WWC2: variants seen among roughly 807,000 people sequenced by gnomAD.
WWC2 encodes the protein WW and C2 domain containing 2.
In WWC2, 101 loss-of-function variants were observed where a neutral mutation model predicts 138.5. The observed-to-expected ratio is 0.73, with a 90% CI of 0.62 to 0.86. The LOEUF (loss-of-function observed/expected upper bound fraction) is 0.86, where lower values mean the gene tolerates loss of function less well. Among genes scored for constraint, WWC2 ranks in the 40% least tolerant of loss-of-function variants. WWC2 has a pLI of 0.00. For synonymous variants in WWC2, 558 were observed against 538.4 expected (o/e 1.04, Z -0.50); for missense variants, 1,420 against 1,419.4 (o/e 1.00, Z -0.01).
intron 1 of WWC2, among the ~76,000 whole-genome samples, chr4:183,192,759 G>A (rs1313244533): frequency 1.3e-5 from 2 of 152,028 alleles, no homozygotes. Context: ...TTGACTGATG[G>A]TGGCCACACT....
intron 1 of WWC2, among the ~76,000 whole-genome samples, chr4:183,102,369 T>G (rs1743207818): frequency 2.0e-5 from 3 of 152,208 alleles, no homozygotes; most frequent in Admixed American, 6.5e-5. Context: ...CAGTATTTAC[T>G]CAGTGTGTAT....
chr4:183,172,802 A>G (rs189831811), intron 1 of WWC2, among the ~76,000 whole-genome samples: 1 of 151,488 alleles, frequency 6.6e-6, no homozygotes, highest in Non-Finnish European at 1.5e-5. Context: ...TTCTCTTTGT[A>G]TTTACTTTGT....
intron 1 of WWC2, among the ~76,000 whole-genome samples, chr4:183,109,641 C>T (rs1390593889): frequency 3.9e-5 from 6 of 152,152 alleles, no homozygotes; most frequent in Admixed American, 3.3e-4. Flanking sequence ...TGACAGGAGG[C>T]GGAGCTCAGG....
At chr4:183,191,587 G>T (rs1037483144) in intron 1 of WWC2, among the ~76,000 whole-genome samples, 4 of 152,188 alleles carry the variant, frequency 2.6e-5, no homozygotes, top group African/African-American at 9.7e-5. Flanking sequence ...CAAATTTCAA[G>T]CTCTTAACTT....
intron 1 of WWC2, among the ~76,000 whole-genome samples, chr4:183,189,621 G>A (rs1734933505): frequency 6.6e-6 from 1 of 152,158 alleles, no homozygotes; most frequent in African/African-American, 2.4e-5. Context: ...AGCAGATTCT[G>A]TAGTAATCAT....
In WWC2 at chr4:183,289,443, G is replaced by A. The variant is rs1738360220; in HGVS notation, c.3192G>A (p.Arg1064=). 1 of 1,612,506 alleles carries A rather than the reference G, an allele frequency of 6.2e-7. No individual in the cohort carries two copies. Among genetic ancestry groups the A allele is most frequent in the African/African-American group, 1.3e-5 (1 of 74,916 alleles). ...LRRTTQECPV[R]TSLDLELDLQ... ...GAACAACACAGGAATGCCCAGTGCGGACATCTCTAGACTTAGAACTGGACC... is the reference window on the plus strand; with the variant it reads ...GAACAACACAGGAATGCCCAGTGCGAACATCTCTAGACTTAGAACTGGACC... The change falls in exon 21 of 23, where the codon CGG becomes CGA. Residue 1064 remains arginine, a synonymous_variant. Coordinates refer to ENST00000403733, the MANE Select transcript of WWC2 (RefSeq NM_024949.6).
chr4:183,131,073 C>G (rs1732912157), intron 1 of WWC2, among the ~76,000 whole-genome samples: 1 of 152,064 alleles, frequency 6.6e-6, no homozygotes, highest in East Asian at 1.9e-4. Flanking sequence ...TAGACCCACA[C>G]AATTGTGGAC....
At chr4:183,188,967 A>G (rs1228343368) in intron 1 of WWC2, among the ~76,000 whole-genome samples, 1 of 151,938 alleles carries the variant, frequency 6.6e-6, no homozygotes, top group Non-Finnish European at 1.5e-5. Flanking sequence ...CTTCCTTCCA[A>G]TCATTTAAGC....
At chr4:183,179,483 T>A (rs1462715023) in intron 1 of WWC2, among the ~76,000 whole-genome samples, 1 of 152,020 alleles carries the variant, frequency 6.6e-6, no homozygotes, top group African/African-American at 2.4e-5. Context: ...GAGATGCTAA[T>A]AGGTTGGATT....
At chr4:183,296,051 C>G (rs901307961) in intron 21 of WWC2, among the ~76,000 whole-genome samples, 4 of 152,196 alleles carry the variant, frequency 2.6e-5, no homozygotes, top group Non-Finnish European at 5.9e-5. Context: ...CAGGGCACCG[C>G]CTAAAAATGA....
At chr4:183,164,304 ATATATATTATATATAC>A (rs1734053506) in intron 1 of WWC2, among the ~76,000 whole-genome samples, 1 of 754 alleles carries the variant, frequency 1.3e-3, no homozygotes, top group African/African-American at 1.9e-3. Flanking sequence ...ATATATACAT[ATATATATTATATATAC>A]ATATATATAT....
intron 4 of WWC2, among the ~76,000 whole-genome samples, chr4:183,234,920 A>T (rs985549304): frequency 5.9e-5 from 9 of 152,224 alleles, no homozygotes; most frequent in African/African-American, 2.2e-4. Flanking sequence ...AGGCTGGGTT[A>T]GAGAACAGAA....
intron 2 of WWC2, among the ~76,000 whole-genome samples, chr4:183,204,126 T>C (rs1295022396): frequency 6.6e-6 from 1 of 152,292 alleles, no homozygotes; most frequent in East Asian, 1.9e-4. Context: ...GCAAAGTCTC[T>C]GACTCCACAT....
chr4:183,256,536 C>T (rs779726825), intron 9 of WWC2, among the ~76,000 whole-genome samples: 18 of 152,074 alleles, frequency 1.2e-4, no homozygotes, highest in African/African-American at 3.6e-4. Context: ...GCACTGACGC[C>T]GGGAGTTTAA....
chr4:183,227,113 C>CCCACCA (rs139546437), intron 4 of WWC2, among the ~76,000 whole-genome samples: 26,460 of 151,628 alleles, frequency 0.17, 2,675 homozygotes, highest in South Asian at 0.26. Context: ...TAGCATACCT[C>CCCACCA]CCACCACCAC....
At chr4:183,123,855 A>AT (rs1033688439) in intron 1 of WWC2, among the ~76,000 whole-genome samples, 12 of 151,166 alleles carry the variant, frequency 7.9e-5, no homozygotes, top group Non-Finnish European at 1.2e-4. Flanking sequence ...CTATTTGTTA[A>AT]TTTTTTTTTA....
intron 8 of WWC2, among the ~76,000 whole-genome samples, chr4:183,252,361 G>A (rs1737003982): frequency 1.3e-5 from 2 of 152,170 alleles, no homozygotes; most frequent in South Asian, 2.1e-4. Flanking sequence ...CGTTATGGTC[G>A]AAAGAACCAT....
At chr4:183,270,291 A>T (rs1737657038) in intron 15 of WWC2, among the ~76,000 whole-genome samples, 1 of 152,086 alleles carries the variant, frequency 6.6e-6, no homozygotes, top group African/African-American at 2.4e-5. Flanking sequence ...TCTATGTGTG[A>T]TTTGGTGGAA....
chr4:183,210,630 T>C (rs148282189), intron 4 of WWC2, among the ~76,000 whole-genome samples: 1 of 152,192 alleles, frequency 6.6e-6, no homozygotes, highest in Admixed American at 6.5e-5. Context: ...CTGAGAAGTG[T>C]ATTGTTAGGC....
Sources: gnomAD v4.1 joint callset for allele counts (sites outside exome capture counted in the v4.1 genomes callset) on GRCh38, gnomAD v4.1.1 for gene constraint, MANE v1.5 for transcripts, NCBI Gene and HGNC (gene_info 2026-07-23, HGNC 2026-07-21) for gene names.